The following JAML variants were observed in gnomAD, a reference collection of about 807,000 sequenced individuals.
JAML encodes junctional adhesion molecule-like.
Under a neutral mutation model 39.3 loss-of-function variants are expected in JAML, and 25 were observed. The ratio of observed to expected loss-of-function variants is 0.64; its 90% CI spans 0.46 to 0.89. JAML has a LOEUF of 0.89. JAML is among the 40% of genes least tolerant of loss of function. The probability of loss-of-function intolerance (pLI) is 0.00; values close to 1 mark genes in which losing one functional copy is unlikely to be tolerated. For missense variants in JAML, 440 were observed against 486.9 expected, an observed-to-expected ratio of 0.90 and a Z score of 0.91; for synonymous variants, 162 against 179.2, an observed-to-expected ratio of 0.90 and a Z score of 0.77.
Position 118,194,262 on chromosome 11 carries a change from G to T in JAML, c.*63C>A. The T allele has an allele frequency of 7.1e-7, 1 of 1,412,592 alleles. No homozygotes were observed. Among genetic ancestry groups the T allele is most frequent in the Non-Finnish European group, 1.0e-6 (1 of 997,838 alleles). 87.5% of individuals were successfully genotyped at this position (1,412,592 alleles called of 1,614,324 possible). ...GGAGTCTGAAATCACTGGTAGAGTG[G>T]CCCAGGACACACACAGGAGAGAGTC... On this transcript the variant is annotated 3_prime_UTR_variant, in exon 10 of 10. Coordinates refer to ENST00000356289, the MANE Select transcript of JAML (RefSeq NM_001098526.2).
Position 118,194,046 on chromosome 11 carries a change from C to CG in JAML, c.*278dup, listed in dbSNP as rs1452480687. On this transcript the variant is annotated 3_prime_UTR_variant, in exon 10 of 10. Transcript: ENST00000356289. The stretch of plus-strand genomic sequence containing the variant: ...CTGCCCACAGGAGGGTCTGATCCAA[C>CG]GGGGGGTTTGAGGCCACTCAGCTCA... The CG allele has an allele frequency of 1.0e-5, 4 of 388,572 alleles. No homozygotes were observed. Among genetic ancestry groups the CG allele is most frequent in the Admixed American group, 7.2e-5 (2 of 27,868 alleles). 24.1% of individuals were successfully genotyped at this position (388,572 alleles called of 1,614,324 possible). A position where few individuals can be genotyped will look rare whatever the true frequency, so the allele number is the denominator to read the frequency against.
chr11:118,193,837 C>A lies in JAML; in HGVS notation c.*488G>T, dbSNP rs561652480. The A allele has an allele frequency of 9.6e-5, 16 of 166,628 alleles. 1 individual carries two copies. The South Asian group carries it at 2.3e-3, about 24-fold the overall frequency. 10.3% of individuals were successfully genotyped at this position (166,628 alleles called of 1,614,324 possible). On this transcript the variant is annotated 3_prime_UTR_variant, in exon 10 of 10. Coordinates refer to ENST00000356289, the MANE Select transcript of JAML (RefSeq NM_001098526.2). ...GCACGGTTTGGCTTTCCTCCAGGAA[C>A]TTCAGTTTTTCCAAAAGTTTCTAAC...
At chr11:118,202,608 G>A (rs957396195) in intron 6 of JAML, 7 of 221,164 alleles carry the variant, frequency 3.2e-5, no homozygotes, top group Admixed American at 1.5e-4. Flanking sequence ...ATAATGGCTC[G>A]ATTTTCTCTG....
rs896799248 is a variant in JAML at position 118,203,330 on chromosome 11, A to C, written c.772+98T>G. 2.7e-6 allele frequency: 3 copies of C among 1,111,392 alleles called. No individual in the cohort carries two copies. In the African/African-American group the frequency reaches 4.6e-5, roughly 17 times the overall value. 68.8% of individuals were successfully genotyped at this position (1,111,392 alleles called of 1,614,324 possible). On this transcript the variant is annotated intron_variant, in intron 6 of 9. Coordinates refer to ENST00000356289, the MANE Select transcript of JAML (RefSeq NM_001098526.2). Reference sequence around the variant, plus strand: ...AGCACCTGAGAGGGATGCCTCCTTCAATTTTGCATCCTAGGAACCTCTCCG... The same window carrying C: ...AGCACCTGAGAGGGATGCCTCCTTCCATTTTGCATCCTAGGAACCTCTCCG...
rs544488269 is a variant in JAML at position 118,194,235 on chromosome 11, C to G, written c.*90G>C. The G allele has an allele frequency of 5.2e-5, 58 of 1,108,818 alleles. No homozygotes were observed. The East Asian group carries it at 1.3e-3, about 25-fold the overall frequency. 68.7% of individuals were successfully genotyped at this position (1,108,818 alleles called of 1,614,324 possible). On this transcript the variant is annotated 3_prime_UTR_variant, in exon 10 of 10. Transcript: ENST00000356289. The stretch of plus-strand genomic sequence containing the variant: ...TGAGACAGGAGGACAGCTGGGAGAG[C>G]GGGAGTCTGAAATCACTGGTAGAGT...
intron 1 of JAML, 77 bp from the exon 2 acceptor site, chr11:118,214,963 T>A: frequency 7.7e-7 from 1 of 1,304,956 alleles, no homozygotes; most frequent in Non-Finnish European, 1.1e-6. Context: ...AGTGAAGGAC[T>A]ATACGGAGCA....
chr11:118,198,525 G>T (rs7112584), intron 7 of JAML, among the ~76,000 whole-genome samples: 2 of 151,822 alleles, frequency 1.3e-5, no homozygotes, highest in Non-Finnish European at 2.9e-5. Flanking sequence ...TTTCCGGGGG[G>T]CGGAGCAGAA....
At chr11:118,221,624 G>C (rs1006512233) in intron 1 of JAML, among the ~76,000 whole-genome samples, 1 of 152,174 alleles carries the variant, frequency 6.6e-6, no homozygotes. Context: ...TGAGCGGTTC[G>C]GTTCCCAACA....
At position 118,196,717 on chromosome 11, in the gene JAML, G is replaced by A. The variant is rs1307248479; in HGVS notation, c.1092+18C>T. On this transcript the variant is annotated intron_variant, in intron 9 of 9. Transcript: ENST00000356289. ...AGCCTCTGACACCTGGCTCAGCTGA[G>A]GCCAGAATCATTCTCACCATGGTCA... 6.3e-7 allele frequency: 1 copy of A among 1,599,756 alleles called. No individual in the cohort carries two copies. Among genetic ancestry groups the A allele is most frequent in the Non-Finnish European group, 8.6e-7 (1 of 1,167,184 alleles).
chr11:118,210,797 C>G (rs1949042277), intron 3 of JAML, 85 bp from the exon 4 acceptor site: 2 of 1,096,256 alleles, frequency 1.8e-6, no homozygotes, highest in East Asian at 4.7e-5. Flanking sequence ...TATGTGGGGG[C>G]AGCAGAGCTA....
intron 9 of JAML, among the ~76,000 whole-genome samples, chr11:118,196,371 G>A (rs990713557): frequency 2.6e-5 from 4 of 151,580 alleles, no homozygotes; most frequent in Admixed American, 6.6e-5. Context: ...CAAGCAATCC[G>A]CCCACCTCGG....
rs1948605141 is a variant in JAML at position 118,194,219 on chromosome 11, A to C, written c.*106T>G. 2.1e-6 allele frequency: 2 copies of C among 974,204 alleles called. No homozygotes were observed. The highest frequency in any genetic ancestry group is 5.0e-5 in the East Asian group (2 of 40,254). The allele number at this position is 974,204 out of a possible 1,614,324, so 60.3% of individuals were successfully genotyped here. A position where few individuals can be genotyped will look rare whatever the true frequency, so the allele number is the denominator to read the frequency against. The stretch of plus-strand genomic sequence containing the variant: ...TGTATTGACCAAACAATGAGACAGG[A>C]GGACAGCTGGGAGAGCGGGAGTCTG... On this transcript the variant is annotated 3_prime_UTR_variant, in exon 10 of 10. Transcript: ENST00000356289.
chr11:118,202,607 C>A (rs1452209331), intron 6 of JAML: 2 of 222,916 alleles, frequency 9.0e-6, no homozygotes, highest in South Asian at 5.9e-5. Context: ...CATAATGGCT[C>A]GATTTTCTCT....
At position 118,203,677 on chromosome 11, in the gene JAML, A is replaced by G; in HGVS notation, c.535-12T>C. On this transcript the variant is annotated splice_polypyrimidine_tract_variant and intron_variant, in intron 5 of 9. Transcript: ENST00000356289. ...AATACAATCTCCTCCTAGAAGTGAA[A>G]GACAAAAAGTATGATATTGTGAGGA... The G allele has an allele frequency of 6.3e-7, 1 of 1,598,960 alleles. No individual in the cohort carries two copies. The highest frequency in any genetic ancestry group is 8.6e-7 in the Non-Finnish European group (1 of 1,166,314).
intron 4 of JAML, 27 bp downstream of exon 4, chr11:118,210,460 C>T (rs761681188): frequency 2.2e-5 from 36 of 1,609,996 alleles, no homozygotes; most frequent in Non-Finnish European, 3.0e-5. Flanking sequence ...TGCCCCTTGG[C>T]CCCTCTTTAA....
At chr11:118,206,694 C>G (rs996032590) in intron 4 of JAML, among the ~76,000 whole-genome samples, 2 of 152,146 alleles carry the variant, frequency 1.3e-5, no homozygotes, top group African/African-American at 4.8e-5. Context: ...CTGCCCCCAC[C>G]CTCCCGACTT....
intron 7 of JAML, among the ~76,000 whole-genome samples, chr11:118,199,331 T>C (rs1014496908): frequency 6.6e-6 from 1 of 152,186 alleles, no homozygotes; most frequent in Admixed American, 6.5e-5. Flanking sequence ...GCTCCGAGCA[T>C]GCCCAGAGCA....
chr11:118,203,775 G>T (rs71482136), intron 5 of JAML, 110 bp from the exon 6 acceptor site: 1 of 851,260 alleles, frequency 1.2e-6, no homozygotes, highest in Non-Finnish European at 2.0e-6. Context: ...CTAGGTGAAG[G>T]CAGTAAGGGT....
At position 118,222,605 on chromosome 11, in the gene JAML, T is replaced by C. The variant is rs138208016; in HGVS notation, c.-21+2336A>G. Among the ~76,000 whole-genome samples, 37 of 152,344 alleles carry C rather than the reference T, an allele frequency of 2.4e-4. 1 individual carries two copies. Among genetic ancestry groups the C allele is most frequent in the African/African-American group, 8.9e-4 (37 of 41,582 alleles). On this transcript the variant is annotated intron_variant, in intron 1 of 9. Transcript: ENST00000356289. This position sits in a 1 kb window ranked among gnomAD's most constrained non-coding sequence, Gnocchi z 4.2. ...ATTTTATCAGAAAAAATTGAAACTT[T>C]AATCTCTTTTAGGTCACGTGACTCT...
Sources: allele counts gnomAD v4.1 joint callset (sites outside exome capture counted in the v4.1 genomes callset), GRCh38; gene constraint gnomAD v4.1.1; non-coding constraint Gnocchi (gnomAD v3.1); transcripts MANE v1.5; gene names NCBI Gene and HGNC (gene_info 2026-07-23, HGNC 2026-07-21).